The following LRRC40 variants were observed in gnomAD, a reference collection of about 807,000 sequenced individuals.
LRRC40 encodes the protein leucine rich repeat containing 40, also known as leucine-rich repeat-containing protein 40.
LRRC40 carries 76 observed loss-of-function variants against 72.8 expected under a neutral mutation model. The observed-to-expected ratio is 1.04, with a 90% CI of 0.87 to 1.26. The LOEUF is 1.26. Among genes scored for constraint, LRRC40 ranks in the 50% most tolerant of loss-of-function variants. The probability of loss-of-function intolerance (pLI) is 0.00; values close to 1 mark genes in which losing one functional copy is unlikely to be tolerated. For synonymous variants in LRRC40, 243 were observed against 254.2 expected, an observed-to-expected ratio of 0.96 and a Z score of 0.42; for missense variants, 684 against 698.9, an observed-to-expected ratio of 0.98 and a Z score of 0.24.
At chr1:70,170,774 G>A (rs939541772) in intron 9 of LRRC40, among the ~76,000 whole-genome samples, 3 of 152,078 alleles carry the variant, frequency 2.0e-5, no homozygotes, top group African/African-American at 7.2e-5. Flanking sequence ...AATATTGTTA[G>A]GATAATATTC....
At chr1:70,169,760 T>A (rs1008230432) in intron 9 of LRRC40, among the ~76,000 whole-genome samples, 10 of 152,112 alleles carry the variant, frequency 6.6e-5, no homozygotes, top group African/African-American at 2.4e-4. Flanking sequence ...TCTGAGTATA[T>A]CTATAACACG....
chr1:70,180,719 A>G (rs1668224637), intron 5 of LRRC40, among the ~76,000 whole-genome samples: 1 of 152,140 alleles, frequency 6.6e-6, no homozygotes, highest in Non-Finnish European at 1.5e-5. Flanking sequence ...CTTATGGACC[A>G]TGAGGAGGCT....
intron 10 of LRRC40, among the ~76,000 whole-genome samples, chr1:70,156,980 CTG>C (rs1354608610): frequency 6.6e-6 from 1 of 152,118 alleles, no homozygotes; most frequent in Admixed American, 6.5e-5. Context: ...GCAGATTTAA[CTG>C]TTTTTTTAAT....
intron 13 of LRRC40, among the ~76,000 whole-genome samples, chr1:70,149,347 C>T (rs1474616893): frequency 1.3e-5 from 2 of 152,120 alleles, no homozygotes; most frequent in South Asian, 2.1e-4. Flanking sequence ...TTTTCATTTC[C>T]GCATACTGCC....
At chr1:70,180,966 G>A in intron 5 of LRRC40, 120 bp downstream of exon 5, 2 of 669,668 alleles carry the variant, frequency 3.0e-6, no homozygotes. Context: ...GCTATTGTTT[G>A]CATTTACCAC....
chr1:70,148,011 A>G (rs1454730092), intron 14 of LRRC40: 2 of 152,118 alleles, frequency 1.3e-5, no homozygotes, highest in Non-Finnish European at 2.9e-5. Flanking sequence ...CAAAGGTGAC[A>G]TTCAATAGGC....
chr1:70,181,043 C>T (rs760337834), intron 5 of LRRC40, 43 bp downstream of exon 5: 2 of 1,339,642 alleles, frequency 1.5e-6, no homozygotes, highest in Non-Finnish European at 2.1e-6. Context: ...GTAAGTTGCA[C>T]CAACTTCAAA....
chr1:70,164,182 G>C (rs1485370520), intron 9 of LRRC40, among the ~76,000 whole-genome samples: 1 of 151,930 alleles, frequency 6.6e-6, no homozygotes, highest in Non-Finnish European at 1.5e-5. Context: ...CCTGAGGTCG[G>C]GAGTTTGAGA....
intron 13 of LRRC40, among the ~76,000 whole-genome samples, 175 bp downstream of exon 13, chr1:70,150,953 A>C (rs1360678955): frequency 6.6e-6 from 1 of 152,266 alleles, no homozygotes; most frequent in Non-Finnish European, 1.5e-5. Context: ...GACATCAACT[A>C]TGAGAATTCT....
intron 6 of LRRC40, 71 bp from the exon 7 acceptor site, chr1:70,176,053 T>G: frequency 1.2e-6 from 1 of 868,086 alleles, no homozygotes; most frequent in Non-Finnish European, 1.7e-6. Flanking sequence ...AATAAAATTG[T>G]AGGTACTCTT....
chr1:70,192,675 G>A (rs1668527643), intron 1 of LRRC40, among the ~76,000 whole-genome samples: 2 of 152,118 alleles, frequency 1.3e-5, no homozygotes, highest in African/African-American at 4.8e-5. Flanking sequence ...GAACATGGAT[G>A]GAGCTGGAGG....
chr1:70,192,482 A>G (rs968289288), intron 1 of LRRC40, among the ~76,000 whole-genome samples: 2 of 152,150 alleles, frequency 1.3e-5, no homozygotes, highest in African/African-American at 4.8e-5. Flanking sequence ...CCAAAAGAAT[A>G]TAAGTCATTC....
intron 13 of LRRC40, among the ~76,000 whole-genome samples, chr1:70,149,484 G>A (rs1571429209): frequency 6.6e-6 from 1 of 152,084 alleles, no homozygotes; most frequent in Non-Finnish European, 1.5e-5. Context: ...CCCCTTAATA[G>A]GCTCTTCTCT....
intron 1 of LRRC40, among the ~76,000 whole-genome samples, chr1:70,199,624 TCTTC>T (rs1459004550): frequency 3.3e-5 from 5 of 152,214 alleles, no homozygotes; most frequent in Non-Finnish European, 5.9e-5. Flanking sequence ...ATATATTTTC[TCTTC>T]CTTATGATTT....
chr1:70,152,186 T>C (rs1434343579), intron 12 of LRRC40, among the ~76,000 whole-genome samples: 1 of 152,272 alleles, frequency 6.6e-6, no homozygotes, highest in East Asian at 1.9e-4. Context: ...ATATTTTCAG[T>C]AATTTTGTCT....
chr1:70,150,680 A>C (rs1667459022), intron 13 of LRRC40, among the ~76,000 whole-genome samples: 1 of 152,158 alleles, frequency 6.6e-6, no homozygotes, highest in Admixed American at 6.5e-5. Flanking sequence ...AACTTCTTGA[A>C]GTTTCCCAGA....
At chr1:70,199,053 A>C (rs145077363) in intron 1 of LRRC40, among the ~76,000 whole-genome samples, 214 of 152,198 alleles carry the variant, frequency 1.4e-3, no homozygotes, top group African/African-American at 4.6e-3. Context: ...CAGGGAGCTG[A>C]GGTGGGAAAA....
In LRRC40 at chr1:70,187,267, G is replaced by A. The variant is rs779701801; in HGVS notation, c.405C>T (p.Val135=). 2 of 1,504,016 alleles carry A rather than the reference G, an allele frequency of 1.3e-6. No individual in the cohort carries two copies. Among genetic ancestry groups the A allele is most frequent in the South Asian group, 1.1e-5 (1 of 87,294 alleles). The allele number at this position is 1,504,016 out of a possible 1,614,324, so 93.2% of individuals were successfully genotyped here. The part of the protein sequence containing the change: ...RELENLQKLN[V]SHNKLKILPE... ...AAGTAAATAAGCTTAATTTTTACCTGACATTAAGTTTCTGAAGATTTTCTA... is the reference window on the plus strand; with the variant it reads ...AAGTAAATAAGCTTAATTTTTACCTAACATTAAGTTTCTGAAGATTTTCTA... The change falls in exon 3 of 15, where the codon GTC becomes GTT. Residue 135 remains valine, a splice_region_variant and synonymous_variant. Coordinates refer to ENST00000370952, the MANE Select transcript of LRRC40 (RefSeq NM_017768.5).
intron 1 of LRRC40, among the ~76,000 whole-genome samples, chr1:70,190,161 A>G (rs557132814): frequency 5.3e-5 from 8 of 152,346 alleles, no homozygotes; most frequent in African/African-American, 1.9e-4. Flanking sequence ...GTAGAACTAC[A>G]TTTAGGGATG....
Sources: gnomAD v4.1 joint callset for allele counts (sites outside exome capture counted in the v4.1 genomes callset) on GRCh38, gnomAD v4.1.1 for gene constraint, MANE v1.5 for transcripts, NCBI Gene and HGNC (gene_info 2026-07-23, HGNC 2026-07-21) for gene names.